Variants in RHOH observed in about 807,000 individuals in gnomAD.
RHOH encodes ras homolog family member H, also known as rho-related GTP-binding protein RhoH.
RHOH carries 6 observed loss-of-function variants against 13.8 expected under a neutral mutation model. The observed-to-expected ratio is 0.44, with a 90% CI of 0.24 to 0.86. RHOH has a LOEUF of 0.86. RHOH is among the 40% of genes least tolerant of loss of function. RHOH has a pLI of 0.24. For synonymous variants in RHOH, 117 were observed against 103.0 expected (o/e 1.14, Z -0.82); for missense variants, 147 against 244.5 (o/e 0.60, Z 2.66).
At chr4:40,208,868 TATA>T (rs2109391815) in intron 1 of RHOH, among the ~76,000 whole-genome samples, 1 of 152,074 alleles carries the variant, frequency 6.6e-6, no homozygotes, top group East Asian at 1.9e-4. Context: ...AATATATACA[TATA>T]ATATTTGTAT....
rs1368843908 is a variant in RHOH at position 40,222,981 on chromosome 4, A to G, written c.-330-19733A>G. On this transcript the variant is annotated intron_variant, in intron 1 of 2. Coordinates refer to ENST00000381799, the MANE Select transcript of RHOH (RefSeq NM_004310.5). ...AGGGATTTAAGATGCTAGTGGAGGAAGTAACTGCAGATGTGGTAGAAGGAG... is the reference window on the plus strand; with the variant it reads ...AGGGATTTAAGATGCTAGTGGAGGAGGTAACTGCAGATGTGGTAGAAGGAG... Among the ~76,000 whole-genome samples, 9 of 152,310 alleles carry G rather than the reference A, an allele frequency of 5.9e-5. No homozygotes were observed. In the East Asian group the frequency reaches 1.7e-3, roughly 29 times the overall value.
intron 1 of RHOH, among the ~76,000 whole-genome samples, chr4:40,212,119 A>G (rs1725340886): frequency 6.6e-6 from 1 of 152,368 alleles, no homozygotes; most frequent in South Asian, 2.1e-4. Flanking sequence ...TTTATAAATT[A>G]TGAATACAGA....
intron 1 of RHOH, among the ~76,000 whole-genome samples, chr4:40,219,958 T>G (rs184701187): frequency 4.6e-5 from 7 of 152,314 alleles, no homozygotes; most frequent in Admixed American, 4.6e-4. Context: ...ATGTAATAGC[T>G]TCAGAAAAAT....
chr4:40,209,256 A>G (rs1438399184), intron 1 of RHOH, among the ~76,000 whole-genome samples: 3 of 152,336 alleles, frequency 2.0e-5, no homozygotes, highest in Admixed American at 6.5e-5. Flanking sequence ...CTCAAAGCAT[A>G]GAAAACGACT....
intron 1 of RHOH, among the ~76,000 whole-genome samples, chr4:40,230,607 C>A (rs80224458): frequency 2.6e-5 from 4 of 151,568 alleles, no homozygotes; most frequent in African/African-American, 4.8e-5. Context: ...GATCCACCCC[C>A]CTTAGCCTCC....
At chr4:40,236,435 C>A (rs1417604695) in intron 1 of RHOH, among the ~76,000 whole-genome samples, 1 of 152,094 alleles carries the variant, frequency 6.6e-6, no homozygotes, top group Non-Finnish European at 1.5e-5. Flanking sequence ...CAAAATGACC[C>A]ATTGACCCAG....
chr4:40,196,692 C>CTT (rs397768063), upstream of RHOH, among the ~76,000 whole-genome samples: 19,755 of 117,420 alleles, frequency 0.17, 2,180 homozygotes, highest in East Asian at 0.56. Flanking sequence ...GTGGCATGGA[C>CTT]TTTTTTTTTT....
At chr4:40,224,175 G>C (rs1726951954) in intron 1 of RHOH, among the ~76,000 whole-genome samples, 1 of 152,186 alleles carries the variant, frequency 6.6e-6, no homozygotes, top group Non-Finnish European at 1.5e-5. Context: ...CGCGATATCT[G>C]TAAGGTATGT....
chr4:40,214,265 G>A lies in RHOH; in HGVS notation c.-331+16965G>A, dbSNP rs1715169306. 3.9e-5 allele frequency among the ~76,000 whole-genome samples: 6 copies of A among 152,204 alleles called. No individual in the cohort carries two copies. The South Asian group carries it at 8.3e-4, about 21-fold the overall frequency. ...GAAGGTTACAAGATATGGGCATCAT[G>A]CACAGGTGGCGAGGTGGTTAGAGAA... On this transcript the variant is annotated intron_variant, in intron 1 of 2. Transcript: ENST00000381799.
chr4:40,210,956 C>T (rs775613277), intron 1 of RHOH, among the ~76,000 whole-genome samples: 3 of 152,138 alleles, frequency 2.0e-5, no homozygotes, highest in Non-Finnish European at 4.4e-5. Flanking sequence ...AAACATGATC[C>T]ATTGCCTGAA....
intron 1 of RHOH, among the ~76,000 whole-genome samples, chr4:40,231,318 ATTT>A (rs3071888): frequency 5.5e-5 from 7 of 127,700 alleles, no homozygotes; most frequent in Admixed American, 8.1e-5. Context: ...TTCTTAGGTG[ATTT>A]TTTTTTTTTT....
intron 1 of RHOH, among the ~76,000 whole-genome samples, chr4:40,230,574 A>G (rs952238941): frequency 2.0e-5 from 3 of 150,472 alleles, no homozygotes; most frequent in Non-Finnish European, 4.4e-5. Context: ...GCAACATGGC[A>G]AAACCCCATC....
intron 1 of RHOH, among the ~76,000 whole-genome samples, chr4:40,227,788 GA>G (rs1385964254): frequency 1.6e-4 from 25 of 152,126 alleles, no homozygotes; most frequent in East Asian, 3.9e-4. Context: ...ACTTACAAAA[GA>G]AAAAATATAT....
intron 1 of RHOH, among the ~76,000 whole-genome samples, chr4:40,198,080 G>C (rs555512444): frequency 6.6e-6 from 1 of 152,336 alleles, no homozygotes; most frequent in South Asian, 2.1e-4. Context: ...TAATCTGGTA[G>C]TTGTGATAAG....
At chr4:40,197,604 T>G (rs542033746) in intron 1 of RHOH, among the ~76,000 whole-genome samples, 1 of 152,164 alleles carries the variant, frequency 6.6e-6, no homozygotes, top group Admixed American at 6.5e-5. Context: ...ACTGTATGGG[T>G]AGTTTAAATA....
In RHOH at chr4:40,243,997, A is replaced by AC; in HGVS notation, c.*39dup. The AC allele has an allele frequency of 2.6e-6, 4 of 1,526,636 alleles. 1 individual carries two copies. The highest frequency in any genetic ancestry group is 2.5e-5 in the South Asian group (2 of 81,474). The allele number at this position is 1,526,636 out of a possible 1,614,324, so 94.6% of individuals were successfully genotyped here. On this transcript the variant is annotated 3_prime_UTR_variant, in exon 3 of 3. Transcript: ENST00000381799. The surrounding 1 kb of genome is among the most constrained non-coding windows in gnomAD (Gnocchi z 6.2). Reference sequence around the variant, plus strand: ...GACTTCACACAACACTTATGTATGCACCCCAAAGACTAATGGGGAGAGGGA... The same window carrying AC: ...GACTTCACACAACACTTATGTATGCACCCCCAAAGACTAATGGGGAGAGGGA...
chr4:40,241,960 T>G (rs747598387), intron 1 of RHOH, among the ~76,000 whole-genome samples: 7 of 152,220 alleles, frequency 4.6e-5, no homozygotes, highest in Non-Finnish European at 7.4e-5. Context: ...ACTTAAAAAT[T>G]ATGTTTAAAT....
intron 1 of RHOH, among the ~76,000 whole-genome samples, chr4:40,224,858 T>C (rs1727031799): frequency 6.6e-6 from 1 of 152,262 alleles, no homozygotes; most frequent in Non-Finnish European, 1.5e-5. Context: ...GTATAATTAA[T>C]GCTGATTGGT....
intron 1 of RHOH, among the ~76,000 whole-genome samples, chr4:40,238,985 C>G (rs1728934531): frequency 6.6e-6 from 1 of 152,176 alleles, no homozygotes. Flanking sequence ...TGAAGATTAT[C>G]TGTCATGTCC....
Sources: gnomAD v4.1 joint callset for allele counts (sites outside exome capture counted in the v4.1 genomes callset) on GRCh38, gnomAD v4.1.1 for gene constraint, Gnocchi (gnomAD v3.1) non-coding constraint, MANE v1.5 for transcripts, NCBI Gene and HGNC (gene_info 2026-07-23, HGNC 2026-07-21) for gene names.